Variants in AHI1 observed in about 807,000 individuals in gnomAD.
AHI1 encodes the protein Abelson helper integration site 1.
AHI1 carries 123 observed loss-of-function variants against 149.3 expected under a neutral mutation model. That is an observed-to-expected ratio of 0.82 (90% confidence interval 0.71 to 0.96). The LOEUF (loss-of-function observed/expected upper bound fraction) is 0.96. Among genes scored for constraint, AHI1 ranks in the 40% least tolerant of loss-of-function variants. AHI1 has a pLI of 0.00. For synonymous variants in AHI1, 475 were observed against 459.8 expected (o/e 1.03, Z -0.42); for missense variants, 1,439 against 1,422.7 (o/e 1.01, Z -0.18).
chr6:135,300,656 G>A, intron 26 of AHI1, 98 bp from the exon 27 acceptor site: 1 of 1,530,814 alleles, frequency 6.5e-7, no homozygotes. Context: ...TCCTGAATGG[G>A]GAGAGAATAT....
At chr6:135,434,109 A>T (rs919216230) in intron 15 of AHI1, among the ~76,000 whole-genome samples, 1 of 152,048 alleles carries the variant, frequency 6.6e-6, no homozygotes, top group African/African-American at 2.4e-5. Flanking sequence ...AGAACATATT[A>T]ATTTTAAATA....
intron 13 of AHI1, among the ~76,000 whole-genome samples, chr6:135,443,697 G>A (rs113006732): frequency 0.032 from 4,927 of 152,206 alleles, 127 homozygotes; most frequent in African/African-American, 0.064. Flanking sequence ...TCTGGAGACA[G>A]CATTATGACC....
At position 135,455,977 on chromosome 6, in the gene AHI1, G is replaced by A. The variant is rs4896147; in HGVS notation, c.1152-51C>T. On this transcript the variant is annotated intron_variant, in intron 9 of 28. Transcript: ENST00000265602. ...AACACAATTTTCATAATTTTGAGGT[G>A]AGAAAAAAATATATAGTGTACAAGG... is the stretch of plus-strand genomic sequence containing the variant. 33,205 of 1,264,824 alleles carry A rather than the reference G, an allele frequency of 0.026. 470 individuals are homozygous for A. Among genetic ancestry groups the A allele is most frequent in the Admixed American group, 0.036 (1,123 of 31,482 alleles). 78.4% of individuals were successfully genotyped at this position (1,264,824 alleles called of 1,614,324 possible). A position where few individuals can be genotyped will look rare whatever the true frequency, so the allele number is the denominator to read the frequency against.
chr6:135,397,740 C>A (rs1779425138), intron 22 of AHI1, among the ~76,000 whole-genome samples: 1 of 151,966 alleles, frequency 6.6e-6, no homozygotes, highest in Non-Finnish European at 1.5e-5. Context: ...AATTTAAAAC[C>A]TTTGGGAGAT....
Position 135,284,789 on chromosome 6 carries a change from AAC to A in AHI1, c.*854_*855del, listed in dbSNP as rs1274304546. On this transcript the variant is annotated 3_prime_UTR_variant, in exon 29 of 29. Transcript: ENST00000265602. ...TTACCTATATGATTTGATCTTAAGA[AAC>A]ACAAAATTTTAATTAGAAAGTAAAT... The A allele has an allele frequency of 6.6e-6, 1 of 152,228 alleles. No homozygotes were observed. Among genetic ancestry groups the A allele is most frequent in the Non-Finnish European group, 1.5e-5 (1 of 68,030 alleles). The allele number at this position is 152,228 out of a possible 1,614,324, so 9.4% of individuals were successfully genotyped here.
At chr6:135,456,189 C>T (rs1240494595) in intron 9 of AHI1, among the ~76,000 whole-genome samples, 1 of 151,898 alleles carries the variant, frequency 6.6e-6, no homozygotes, top group Admixed American at 6.6e-5. Context: ...ATGATTATAC[C>T]TTTGCCATAT....
rs778383581 is a variant in AHI1 at position 135,417,809 on chromosome 6, A to C, written c.2765-6265T>G. Among the ~76,000 whole-genome samples, 7 of 152,190 alleles carry C rather than the reference A, an allele frequency of 4.6e-5. No individual in the cohort carries two copies. The East Asian group carries it at 1.4e-3, about 29-fold the overall frequency. ...ACTTAGTTTCTCAGATACTAGAAAC[A>C]GAAGCCGTTCAGAAGTTCTTCTGCT... is the stretch of plus-strand genomic sequence containing the variant. On this transcript the variant is annotated intron_variant, in intron 20 of 28. Coordinates refer to ENST00000265602, the MANE Select transcript of AHI1 (RefSeq NM_001134831.2).
chr6:135,400,803 T>A (rs947325666), intron 22 of AHI1, among the ~76,000 whole-genome samples: 1 of 152,208 alleles, frequency 6.6e-6, no homozygotes, highest in Non-Finnish European at 1.5e-5. Context: ...TAATTGACTA[T>A]CCCCCTACAT....
chr6:135,322,196 A>G (rs1786957607), intron 25 of AHI1, among the ~76,000 whole-genome samples: 1 of 152,218 alleles, frequency 6.6e-6, no homozygotes, highest in Non-Finnish European at 1.5e-5. Flanking sequence ...ATTTTACAGA[A>G]GGTAACTGGG....
At chr6:135,310,433 A>G (rs749571256) in intron 26 of AHI1, among the ~76,000 whole-genome samples, 1 of 152,320 alleles carries the variant, frequency 6.6e-6, no homozygotes, top group Non-Finnish European at 1.5e-5. Context: ...AGGAACTACC[A>G]TGAAGTTATC....
At chr6:135,339,907 C>A (rs139495286) in intron 24 of AHI1, among the ~76,000 whole-genome samples, 2 of 152,048 alleles carry the variant, frequency 1.3e-5, no homozygotes, top group African/African-American at 2.4e-5. Context: ...TCAAAAGCAA[C>A]AAGAATAAAA....
chr6:135,438,547 C>A (rs1785765305), intron 14 of AHI1, 49 bp from the exon 15 acceptor site: 1 of 1,393,196 alleles, frequency 7.2e-7, no homozygotes, highest in Non-Finnish European at 9.7e-7. Flanking sequence ...GATCCTTAAT[C>A]CAATAATATA....
intron 24 of AHI1, among the ~76,000 whole-genome samples, chr6:135,339,035 C>T (rs1789878440): frequency 6.6e-6 from 1 of 152,002 alleles, no homozygotes; most frequent in Non-Finnish European, 1.5e-5. Context: ...TCAAGTGATC[C>T]TCCTGCCTCA....
chr6:135,389,366 C>G (rs1243722931), intron 23 of AHI1, among the ~76,000 whole-genome samples: 2 of 149,674 alleles, frequency 1.3e-5, no homozygotes, highest in Admixed American at 6.6e-5. Context: ...TGTCGATGCA[C>G]AAGAGTTAGC....
intron 26 of AHI1, among the ~76,000 whole-genome samples, chr6:135,317,944 A>G (rs184237520): frequency 1.0e-3 from 157 of 152,368 alleles, no homozygotes; most frequent in Admixed American, 2.2e-3. Flanking sequence ...AGTGCTTATT[A>G]AACCTTTCTA....
At chr6:135,409,935 T>C (rs1781346744) in intron 21 of AHI1, among the ~76,000 whole-genome samples, 1 of 152,172 alleles carries the variant, frequency 6.6e-6, no homozygotes, top group African/African-American at 2.4e-5. Flanking sequence ...ATATGCACAA[T>C]CTATCTCATA....
intron 23 of AHI1, among the ~76,000 whole-genome samples, chr6:135,378,143 A>G (rs1178240508): frequency 6.6e-6 from 1 of 152,168 alleles, no homozygotes; most frequent in African/African-American, 2.4e-5. Flanking sequence ...CATGTATTAG[A>G]AGACTGGCTC....
At chr6:135,293,223 A>C (rs931394343) in intron 27 of AHI1, among the ~76,000 whole-genome samples, 3 of 152,060 alleles carry the variant, frequency 2.0e-5, no homozygotes, top group African/African-American at 7.2e-5. Context: ...GGAAAGGGAA[A>C]CTACCTAATA....
At chr6:135,417,986 T>C (rs1034777774) in intron 20 of AHI1, among the ~76,000 whole-genome samples, 1 of 151,764 alleles carries the variant, frequency 6.6e-6, no homozygotes, top group Non-Finnish European at 1.5e-5. Flanking sequence ...CTAAAACACT[T>C]TGACATAGGC....
Sources: allele counts gnomAD v4.1 joint callset (sites outside exome capture counted in the v4.1 genomes callset), GRCh38; gene constraint gnomAD v4.1.1; transcripts MANE v1.5; gene names NCBI Gene and HGNC (gene_info 2026-07-23, HGNC 2026-07-21).